The following LUZP1 variants were observed in gnomAD, a reference collection of about 807,000 sequenced individuals.
The protein encoded by LUZP1 is leucine zipper protein 1.
Under a neutral mutation model 71.3 loss-of-function variants are expected in LUZP1, and 25 were observed. That is an observed-to-expected ratio of 0.35 (90% CI 0.26 to 0.49). The LOEUF (loss-of-function observed/expected upper bound fraction) is 0.49. LUZP1 is among the 20% of genes least tolerant of loss of function. The pLI is 0.99. For synonymous variants in LUZP1, 481 were observed against 506.4 expected (o/e 0.95, Z 0.67); for missense variants, 1,142 against 1,300.8 (o/e 0.88, Z 1.88).
intron 1 of LUZP1, among the ~76,000 whole-genome samples, chr1:23,176,047 C>T (rs998562302): frequency 6.8e-6 from 1 of 147,166 alleles, no homozygotes; most frequent in Non-Finnish European, 1.5e-5. Flanking sequence ...TTTCCTCCAC[C>T]TTTTACTTCC....
chr1:23,091,176 A>G lies in LUZP1; in HGVS notation c.3072+14T>C, dbSNP rs1313050514. On this transcript the variant is annotated intron_variant, in intron 4 of 4. Transcript: ENST00000302291. ...GAGGGAGAAAAGAGAGAGGGGAGAG[A>G]GGCTGGAACTCACCATGCTTGCTGA... 1 of 1,581,608 alleles carries G rather than the reference A, an allele frequency of 6.3e-7. No individual in the cohort carries two copies. The highest frequency in any genetic ancestry group is 8.6e-7 in the Non-Finnish European group (1 of 1,164,968).
chr1:23,157,831 A>G (rs1479088874), intron 2 of LUZP1, among the ~76,000 whole-genome samples: 1 of 136,594 alleles, frequency 7.3e-6, no homozygotes, highest in Non-Finnish European at 1.5e-5. Context: ...TAATACATAA[A>G]TCTTGCCCCT....
chr1:23,104,160 T>A (rs1643960315), intron 3 of LUZP1, among the ~76,000 whole-genome samples: 1 of 151,708 alleles, frequency 6.6e-6, no homozygotes, highest in East Asian at 1.9e-4. Flanking sequence ...GCCATTCCGA[T>A]GGTAAACATC....
chr1:23,177,099 C>T (rs1017619327), intron 1 of LUZP1, among the ~76,000 whole-genome samples: 2 of 151,938 alleles, frequency 1.3e-5, no homozygotes, highest in Admixed American at 6.6e-5. Context: ...CTATGTTTCC[C>T]AGGCTGGTCT....
intron 1 of LUZP1, among the ~76,000 whole-genome samples, chr1:23,173,358 T>C (rs1275056221): frequency 4.1e-4 from 57 of 139,942 alleles, no homozygotes; most frequent in Non-Finnish European, 6.7e-4. Flanking sequence ...TTCTTTTTTT[T>C]TTTTTTTTTT....
chr1:23,170,090 C>T (rs976059382), intron 1 of LUZP1, among the ~76,000 whole-genome samples: 6 of 152,168 alleles, frequency 3.9e-5, no homozygotes, highest in African/African-American at 1.4e-4. Context: ...CACCTCCCAG[C>T]TTCTCCCAGC....
intron 2 of LUZP1, among the ~76,000 whole-genome samples, chr1:23,119,603 T>C (rs536055172): frequency 6.6e-6 from 1 of 152,320 alleles, no homozygotes; most frequent in East Asian, 1.9e-4. Flanking sequence ...GGTTTATCTC[T>C]AGTATAGCAC....
At chr1:23,157,511 C>G (rs1476726398) in intron 2 of LUZP1, among the ~76,000 whole-genome samples, 2 of 151,980 alleles carry the variant, frequency 1.3e-5, no homozygotes, top group African/African-American at 4.8e-5. Flanking sequence ...ACCTGTCTCG[C>G]CAGGCACGGT....
intron 2 of LUZP1, among the ~76,000 whole-genome samples, chr1:23,120,735 C>T (rs1233812529): frequency 6.6e-6 from 1 of 152,104 alleles, no homozygotes; most frequent in African/African-American, 2.4e-5. Flanking sequence ...AATAATGACC[C>T]CATAAGGATA....
chr1:23,143,166 G>C (rs906253213), intron 2 of LUZP1, among the ~76,000 whole-genome samples: 3 of 151,944 alleles, frequency 2.0e-5, no homozygotes, highest in Non-Finnish European at 4.4e-5. Context: ...CTGCCACCAA[G>C]CCCAGCTAAT....
chr1:23,162,530 C>T (rs186292760), intron 2 of LUZP1, among the ~76,000 whole-genome samples: 1 of 151,992 alleles, frequency 6.6e-6, no homozygotes, highest in East Asian at 1.9e-4. Flanking sequence ...GCTCTGCCTC[C>T]TGGGTTCTCG....
At chr1:23,164,693 TC>T (rs1480571868) in intron 2 of LUZP1, among the ~76,000 whole-genome samples, 1 of 151,838 alleles carries the variant, frequency 6.6e-6, no homozygotes. Flanking sequence ...GAAACAATCT[TC>T]CCCGCAAGCC....
intron 3 of LUZP1, among the ~76,000 whole-genome samples, chr1:23,098,236 C>T (rs754073088): frequency 6.6e-6 from 1 of 152,086 alleles, no homozygotes; most frequent in Non-Finnish European, 1.5e-5. Context: ...TCACTCAGTA[C>T]AGAAGGAGGT....
intron 3 of LUZP1, among the ~76,000 whole-genome samples, chr1:23,101,292 T>C (rs948622322): frequency 6.6e-6 from 1 of 152,176 alleles, no homozygotes; most frequent in Non-Finnish European, 1.5e-5. Context: ...GCAGAATACC[T>C]TGCACATAAG....
At chr1:23,114,893 C>A (rs1644065468) in intron 2 of LUZP1, among the ~76,000 whole-genome samples, 1 of 152,158 alleles carries the variant, frequency 6.6e-6, no homozygotes, top group South Asian at 2.1e-4. Flanking sequence ...AAAGGCCAGA[C>A]TAAATGATAT....
intron 1 of LUZP1, among the ~76,000 whole-genome samples, chr1:23,171,142 AT>A (rs11397427): frequency 6.7e-6 from 1 of 148,568 alleles, no homozygotes; most frequent in South Asian, 2.1e-4. Context: ...TTATATATGT[AT>A]TTTTATATAT....
chr1:23,111,807 G>GC (rs1294835009), intron 2 of LUZP1, among the ~76,000 whole-genome samples: 13 of 100,928 alleles, frequency 1.3e-4, no homozygotes, highest in African/African-American at 4.0e-4. Context: ...CACAAACACC[G>GC]CCCCCCCACA....
At chr1:23,152,030 T>C (rs576556572) in intron 2 of LUZP1, among the ~76,000 whole-genome samples, 175 of 148,306 alleles carry the variant, frequency 1.2e-3, no homozygotes, top group African/African-American at 4.3e-3. Context: ...AAAGAAATGG[T>C]AGATAATATA....
intron 2 of LUZP1, among the ~76,000 whole-genome samples, chr1:23,136,032 G>C (rs1308375551): frequency 1.3e-5 from 2 of 152,022 alleles, no homozygotes; most frequent in East Asian, 1.9e-4. Context: ...AAACATAGTA[G>C]ACACCCAGCA....
Sources: allele counts gnomAD v4.1 joint callset (sites outside exome capture counted in the v4.1 genomes callset), GRCh38; gene constraint gnomAD v4.1.1; transcripts MANE v1.5; gene names NCBI Gene and HGNC (gene_info 2026-07-23, HGNC 2026-07-21).